Variants in ABR observed in about 807,000 individuals in gnomAD.
The protein encoded by ABR is ABR activator of RhoGEF and GTPase.
ABR carries 35 observed loss-of-function variants against 107.2 expected under a neutral mutation model. The observed-to-expected ratio is 0.33, with a 90% CI of 0.25 to 0.43. ABR has a LOEUF of 0.43. ABR is among the 20% of genes least tolerant of loss of function. The pLI is 1.00. For missense variants in ABR, 815 were observed against 1,115.2 expected, an observed-to-expected ratio of 0.73 and a Z score of 3.83; for synonymous variants, 498 against 462.0, an observed-to-expected ratio of 1.08 and a Z score of -1.00.
At position 1,011,727 on chromosome 17, in the gene ABR, C is replaced by T. The variant is rs1388508055; in HGVS notation, c.2101+119G>A. 1 of 1,321,422 alleles carries T rather than the reference C, an allele frequency of 7.6e-7. No homozygotes were observed. Among genetic ancestry groups the T allele is most frequent in the Non-Finnish European group, 1.0e-6 (1 of 992,672 alleles). The allele number at this position is 1,321,422 out of a possible 1,614,324, so 81.9% of individuals were successfully genotyped here. A position where few individuals can be genotyped will look rare whatever the true frequency, so the allele number is the denominator to read the frequency against. ...AGAGAAAGCACTTGCCACGGGGACT[C>T]TGAAGCAGAGCAAGCCTCCTCTCCA... On this transcript the variant is annotated intron_variant, in intron 19 of 22. Coordinates refer to ENST00000302538, the MANE Select transcript of ABR (RefSeq NM_021962.5). The surrounding 1 kb of genome is among the most constrained non-coding windows in gnomAD (Gnocchi z 4.8).
chr17:1,130,132 G>C (rs1330392347), intron 1 of ABR, among the ~76,000 whole-genome samples: 1 of 152,136 alleles, frequency 6.6e-6, no homozygotes, highest in African/African-American at 2.4e-5. Flanking sequence ...AATTGTTCAT[G>C]ATAAAATGGT....
At chr17:1,178,722 A>G (rs1007556387) in intron 1 of ABR, among the ~76,000 whole-genome samples, 1 of 152,022 alleles carries the variant, frequency 6.6e-6, no homozygotes, top group Non-Finnish European at 1.5e-5. Context: ...TGGGCCAGGA[A>G]GGGCGAAATC....
chr17:1,109,134 G>A, intron 2 of ABR: 1 of 1,524,494 alleles, frequency 6.6e-7, no homozygotes, highest in Non-Finnish European at 8.8e-7. Flanking sequence ...GGAGGAGGGA[G>A]GAGGGAGGAG....
At position 1,027,323 on chromosome 17, in the gene ABR, C is replaced by T. The variant is rs907731424; in HGVS notation, c.1792-14159G>A. Reference sequence around the variant, plus strand: ...TCTACCCTCCCTAGGTACCAAGAAGCGGCACCTTGCCAAGTTCACTCAGAG... The same window carrying T: ...TCTACCCTCCCTAGGTACCAAGAAGTGGCACCTTGCCAAGTTCACTCAGAG... On this transcript the variant is annotated intron_variant, in intron 16 of 22. Coordinates refer to ENST00000302538, the MANE Select transcript of ABR (RefSeq NM_021962.5). This position sits in a 1 kb window ranked among gnomAD's most constrained non-coding sequence, Gnocchi z 4.7. 5.3e-5 allele frequency among the ~76,000 whole-genome samples: 8 copies of T among 152,234 alleles called. No homozygotes were observed. Among genetic ancestry groups the T allele is most frequent in the African/African-American group, 1.4e-4 (6 of 41,466 alleles).
intron 1 of ABR, among the ~76,000 whole-genome samples, chr17:1,204,990 G>C (rs2042763059): frequency 7.6e-6 from 1 of 132,144 alleles, no homozygotes; most frequent in Non-Finnish European, 1.5e-5. Context: ...TGCATCCTCT[G>C]CCTCCTGGGT....
chr17:1,192,211 A>G (rs1438988521), upstream of ABR, among the ~76,000 whole-genome samples: 1 of 152,118 alleles, frequency 6.6e-6, no homozygotes, highest in Non-Finnish European at 1.5e-5. Flanking sequence ...TCGTAGGCTC[A>G]AGCAATCCTC....
At chr17:1,220,562 T>A (rs957532378) in intron 1 of ABR, among the ~76,000 whole-genome samples, 1 of 152,042 alleles carries the variant, frequency 6.6e-6, no homozygotes, top group Non-Finnish European at 1.5e-5. Flanking sequence ...TGCTTATGAT[T>A]CTAGTATGGT....
exon 1 of ABR, among the ~76,000 whole-genome samples, chr17:1,229,639 C>T (rs990136301): frequency 6.6e-6 from 1 of 152,010 alleles, no homozygotes; most frequent in Non-Finnish European, 1.5e-5. Flanking sequence ...ATGCCCCGAG[C>T]TCCGTCCGCG....
chr17:1,153,251 C>T (rs1198601922), intron 1 of ABR, among the ~76,000 whole-genome samples: 1 of 152,150 alleles, frequency 6.6e-6, no homozygotes, highest in Non-Finnish European at 1.5e-5. Context: ...AGGAAGGCCC[C>T]CTGACACTAC....
chr17:1,157,414 C>CATTTTTATATTTTTATATTTTTATA lies in ABR; in HGVS notation c.61+22252_61+22253insTATAAAAATATAAAAATATAAAAAT, dbSNP rs1377889382. Among the ~76,000 whole-genome samples, 1 of 152,128 alleles carries CATTTTTATATTTTTATATTTTTATA rather than the reference C, an allele frequency of 6.6e-6. No homozygotes were observed. The highest frequency in any genetic ancestry group is 1.5e-5 in the Non-Finnish European group (1 of 68,028). ...TACAGGTGTGCGCCACCACGCCCGG[C>CATTTTTATATTTTTATATTTTTATA]TAATTTTTATATTTTTAATAGAGAC... On this transcript the variant is annotated intron_variant, in intron 1 of 22. Coordinates refer to ENST00000302538, the MANE Select transcript of ABR (RefSeq NM_021962.5). The surrounding 1 kb of genome is among the most constrained non-coding windows in gnomAD (Gnocchi z 4.7).
intron 16 of ABR, among the ~76,000 whole-genome samples, chr17:1,046,332 TTCGCC>T (rs1242172128): frequency 7.2e-6 from 1 of 139,240 alleles, no homozygotes. Flanking sequence ...GAAACAGGGT[TTCGCC>T]ATGTTGGCCA....
At chr17:1,188,530 A>G (rs2042363347), upstream of ABR, among the ~76,000 whole-genome samples, 1 of 142,378 alleles carries the variant, frequency 7.0e-6, no homozygotes, top group Non-Finnish European at 1.5e-5. Flanking sequence ...AGCCTGGGTG[A>G]CAGAGGGAGA....
rs930642116 is a variant in ABR at position 1,210,792 on chromosome 17, C to G, written c.838+18001G>C. Among the ~76,000 whole-genome samples, 1 of 152,212 alleles carries G rather than the reference C, an allele frequency of 6.6e-6. No homozygotes were observed. The highest frequency in any genetic ancestry group is 2.4e-5 in the African/African-American group (1 of 41,454). On this transcript the variant is annotated intron_variant, in intron 1 of 22. Coordinates refer to the ABR transcript ENST00000574139. This position sits in a 1 kb window ranked among gnomAD's most constrained non-coding sequence, Gnocchi z 5.6. ...TCCTCCATGCTTTGCTTAGACCAAC[C>G]TTAGCCTCTTAAGGACATTTAGAAC...
rs1211642732 is a variant in ABR at position 1,150,993 on chromosome 17, G to A, written c.62-25626C>T. On this transcript the variant is annotated intron_variant, in intron 1 of 22. Coordinates refer to ENST00000302538, the MANE Select transcript of ABR (RefSeq NM_021962.5). This position sits in a 1 kb window ranked among gnomAD's most constrained non-coding sequence, Gnocchi z 4.8. ...TTCTAAAAGGTAAGAATGGAGGCAG[G>A]AGAACATTTGATTCAGAGCTCATGC... Among the ~76,000 whole-genome samples the A allele has an allele frequency of 6.6e-6, 1 of 152,190 alleles. No individual in the cohort carries two copies. Among genetic ancestry groups the A allele is most frequent in the African/African-American group, 2.4e-5 (1 of 41,436 alleles).
At position 1,193,277 on chromosome 17, in the gene ABR, C is replaced by CA. The variant is rs1359438521; in HGVS notation, c.838+35515_838+35516insT. Among the ~76,000 whole-genome samples, 3 of 151,156 alleles carry CA rather than the reference C, an allele frequency of 2.0e-5. No homozygotes were observed. The East Asian group carries it at 5.8e-4, about 29-fold the overall frequency. On this transcript the variant is annotated intron_variant, in intron 1 of 22. Transcript: ENST00000574139. Reference sequence around the variant, plus strand: ...AAGCCTTTCTGGGACACCCCCTCCCCCTCAATACCCACAAGGATTCAGGAC... The same window carrying CA: ...AAGCCTTTCTGGGACACCCCCTCCCCACTCAATACCCACAAGGATTCAGGAC...
In ABR at chr17:1,109,133, AGGAGGGAGGAGGCGGGCG is replaced by A. The variant is rs1259443829; in HGVS notation, c.247-8416_247-8399del. The A allele has an allele frequency of 5.1e-5, 47 of 918,710 alleles. No homozygotes were observed. The East Asian group carries it at 2.8e-3, about 56-fold the overall frequency. The allele number at this position is 918,710 out of a possible 1,614,324, so 56.9% of individuals were successfully genotyped here. A position where few individuals can be genotyped will look rare whatever the true frequency, so the allele number is the denominator to read the frequency against. On this transcript the variant is annotated intron_variant, in intron 2 of 22. Transcript: ENST00000302538. ...CCACGCAGCGGCGGCGGGAGGAGGG[AGGAGGGAGGAGGCGGGCG>A]GGAGGGGGGGCAGGTCTACACCCGC...
In ABR at chr17:1,034,531, A is replaced by G. The variant is rs1402305166; in HGVS notation, c.1791+15519T>C. Among the ~76,000 whole-genome samples, 5 of 152,152 alleles carry G rather than the reference A, an allele frequency of 3.3e-5. No individual in the cohort carries two copies. The East Asian group carries it at 7.7e-4, about 23-fold the overall frequency. On this transcript the variant is annotated intron_variant, in intron 16 of 22. Coordinates refer to ENST00000302538, the MANE Select transcript of ABR (RefSeq NM_021962.5). The stretch of plus-strand genomic sequence containing the variant: ...GACAGACAAAATGCCACGAACATCG[A>G]GAGATACAATTTCCAGCTGGAGGCA...
chr17:1,078,017 A>G lies in ABR; in HGVS notation c.700+1313T>C, dbSNP rs2035870275. Among the ~76,000 whole-genome samples, 1 of 116,944 alleles carries G rather than the reference A, an allele frequency of 8.6e-6. No individual in the cohort carries two copies. Among genetic ancestry groups the G allele is most frequent in the Admixed American group, 8.5e-5 (1 of 11,784 alleles). 76.7% of individuals were successfully genotyped at this position (116,944 alleles called of 152,430 possible). On this transcript the variant is annotated intron_variant, in intron 6 of 22. Coordinates refer to ENST00000302538, the MANE Select transcript of ABR (RefSeq NM_021962.5). This position sits in a 1 kb window ranked among gnomAD's most constrained non-coding sequence, Gnocchi z 7.5. ...TACGACCGACAGTCGTGTTGATGAC[A>G]TGCACCTGTCCCGGGACTTCCCCCC...
chr17:1,018,253 A>G lies in ABR; in HGVS notation c.1792-5089T>C, dbSNP rs555856482. On this transcript the variant is annotated intron_variant, in intron 16 of 22. Transcript: ENST00000302538. ...GAGACGGGGTTTCACCGTGTTAGCC[A>G]GGATGGTCTTGATCTCCTGACCTCG... Among the ~76,000 whole-genome samples the G allele has an allele frequency of 4.2e-3, 639 of 151,534 alleles. 3 individuals are homozygous for G. Among genetic ancestry groups the G allele is most frequent in the African/African-American group, 0.015 (600 of 41,258 alleles).
Sources: gnomAD v4.1 joint callset for allele counts (sites outside exome capture counted in the v4.1 genomes callset) on GRCh38, gnomAD v4.1.1 for gene constraint, Gnocchi (gnomAD v3.1) non-coding constraint, MANE v1.5 for transcripts, NCBI Gene and HGNC (gene_info 2026-07-23, HGNC 2026-07-21) for gene names.